Variants in ADSL observed in about 807,000 individuals in gnomAD.
The protein encoded by ADSL is adenylosuccinate lyase, also known as adenylosuccinase.
ADSL carries 44 observed loss-of-function variants against 62.1 expected under a neutral mutation model. The ratio of observed to expected loss-of-function variants is 0.71; its 90% confidence interval spans 0.56 to 0.91. The LOEUF (loss-of-function observed/expected upper bound fraction) is 0.91, where lower values mean the gene tolerates loss of function less well. Among genes scored for constraint, ADSL ranks in the 40% least tolerant of loss-of-function variants. The pLI is 0.00. For synonymous variants in ADSL, 198 were observed against 220.5 expected (o/e 0.90, Z 0.90); for missense variants, 531 against 627.4 (o/e 0.85, Z 1.64).
chr22:40,360,544 C>A, intron 7 of ADSL, 52 bp downstream of exon 7: 1 of 1,278,670 alleles, frequency 7.8e-7, no homozygotes, highest in Non-Finnish European at 1.1e-6. Flanking sequence ...GCACCACAGA[C>A]AGACTGAATT....
In ADSL at chr22:40,349,951, C is replaced by T. The variant is rs148303726; in HGVS notation, c.273C>T (p.His91=). ...EKRLRHDVMA[H]VHTFGHCCPK... ...GTTTACGACATGATGTGATGGCTCA[C>T]GTGCACACATTTGGCCACTGCTGTC... The change falls in exon 2 of 13, where the codon CAC becomes CAT. Residue 91 remains histidine (H), a synonymous_variant. Coordinates refer to ENST00000623063, the MANE Select transcript of ADSL (RefSeq NM_000026.4). 21 of 1,614,002 alleles carry T rather than the reference C, an allele frequency of 1.3e-5. No homozygotes were observed. Among genetic ancestry groups the T allele is most frequent in the Non-Finnish European group, 1.7e-5 (20 of 1,180,026 alleles).
intron 1 of ADSL, among the ~76,000 whole-genome samples, chr22:40,349,158 T>G (rs1227168876): frequency 1.3e-5 from 2 of 152,090 alleles, no homozygotes; most frequent in African/African-American, 4.8e-5. Flanking sequence ...AATGACAGGT[T>G]AATAAATATG....
chr22:40,346,834 T>A, intron 1 of ADSL, 123 bp downstream of exon 1: 1 of 1,078,706 alleles, frequency 9.3e-7, no homozygotes, highest in Non-Finnish European at 1.3e-6. Flanking sequence ...TTCAGCTGGG[T>A]GTTCCCTGTC....
At chr22:40,384,381 C>T (rs745490668) in intron 2 of ADSL, among the ~76,000 whole-genome samples, 7 of 152,250 alleles carry the variant, frequency 4.6e-5, no homozygotes, top group Non-Finnish European at 1.0e-4. Flanking sequence ...TCAGGAAACA[C>T]AGATTTTAAG....
At chr22:40,366,099 AGAG>A (rs1445772595) in intron 12 of ADSL, among the ~76,000 whole-genome samples, 3 of 151,810 alleles carry the variant, frequency 2.0e-5, no homozygotes, top group Admixed American at 6.6e-5. Context: ...CCGGGGAGGG[AGAG>A]GAGGTTAAGC....
rs11089990 is a variant in ADSL, at chr22:40,352,539, A to G, written c.358-534A>G. On this transcript the variant is annotated intron_variant, in intron 2 of 12. Coordinates refer to ENST00000623063, the MANE Select transcript of ADSL (RefSeq NM_000026.4). ...CGAGACTCCCATCTTAAAAAGAAAA[A>G]AAAAGAAAACGGGAGGAAAGTAATG... 2.3e-3 allele frequency among the ~76,000 whole-genome samples: 350 copies of G among 152,280 alleles called. 1 individual carries two copies. Among genetic ancestry groups the G allele is most frequent in the African/African-American group, 8.1e-3 (336 of 41,560 alleles).
chr22:40,358,878 C>T lies in ADSL; in HGVS notation c.497C>T (p.Thr166Ile). The stretch of plus-strand genomic sequence containing the variant: ...TGGGTTTTCAGGCCTGCACAGCTGA[C>T]CACAGTTGGGAAACGTTGCTGTCTT... ...GFTHFQPAQLTTVGKRCCLWI... is the reference protein window; with the variant it reads ...GFTHFQPAQLITVGKRCCLWI... Residue 166 changes from threonine (T) to isoleucine (I), a missense_variant, in exon 5 of 13, where the codon ACC becomes ATC. Coordinates refer to ENST00000623063, the MANE Select transcript of ADSL (RefSeq NM_000026.4). 2 of 1,614,124 alleles carry T rather than the reference C, an allele frequency of 1.2e-6. No homozygotes were observed. The highest frequency in any genetic ancestry group is 2.2e-5 in the South Asian group (2 of 91,080).
intron 6 of ADSL, 126 bp from the exon 7 acceptor site, chr22:40,360,276 G>T: frequency 1.4e-6 from 1 of 735,738 alleles, no homozygotes. Flanking sequence ...GCTTAGGCTG[G>T]CCTTAACCTC....
At chr22:40,366,258 G>A (rs1601601239) in intron 12 of ADSL, among the ~76,000 whole-genome samples, 178 bp from the exon 13 acceptor site, 1 of 152,226 alleles carries the variant, frequency 6.6e-6, no homozygotes, top group South Asian at 2.1e-4. Flanking sequence ...GGGCATGGTG[G>A]TTGAATCATC....
chr22:40,363,101 C>A (rs748903899), intron 10 of ADSL, 30 bp downstream of exon 10: 1 of 1,596,916 alleles, frequency 6.3e-7, no homozygotes, highest in South Asian at 1.1e-5. Context: ...AAGTAAAGTA[C>A]TAGGGAGGGG....
chr22:40,361,160 G>C, intron 7 of ADSL, 113 bp from the exon 8 acceptor site: 4 of 1,011,196 alleles, frequency 4.0e-6, no homozygotes, highest in South Asian at 2.5e-5. Flanking sequence ...CTGGTCTTCA[G>C]CTCAGCCACA....
downstream of ADSL, chr22:40,373,071 G>C (rs1296248998): frequency 6.6e-6 from 1 of 152,184 alleles, no homozygotes; most frequent in Admixed American, 6.5e-5. Context: ...AGATATGTGG[G>C]AGGGGTTAGA....
At chr22:40,380,367 T>A (rs1289911837) in intron 2 of ADSL, among the ~76,000 whole-genome samples, 4 of 150,690 alleles carry the variant, frequency 2.7e-5, no homozygotes, top group African/African-American at 7.3e-5. Context: ...ATCTATAATT[T>A]TTTTTTTTTT....
chr22:40,380,478 C>T (rs1367628826), intron 2 of ADSL, among the ~76,000 whole-genome samples: 5 of 151,760 alleles, frequency 3.3e-5, no homozygotes, highest in African/African-American at 9.7e-5. Context: ...GCAATTCTCC[C>T]ACCTCAGCAT....
At chr22:40,386,533 G>GTCTT (rs2048472109) in intron 2 of ADSL, among the ~76,000 whole-genome samples, 2 of 122,210 alleles carry the variant, frequency 1.6e-5, no homozygotes, top group Admixed American at 1.8e-4. Context: ...CTTTAAATCA[G>GTCTT]TCTTTTGACC....
intron 4 of ADSL, among the ~76,000 whole-genome samples, chr22:40,357,437 G>T (rs147641203): frequency 6.6e-6 from 1 of 151,496 alleles, no homozygotes; most frequent in Non-Finnish European, 1.5e-5. Context: ...ATTTTTAGTA[G>T]AGACGGGGTT....
chr22:40,387,448 T>C, intron 2 of ADSL: 1 of 366,362 alleles, frequency 2.7e-6, no homozygotes, highest in Non-Finnish European at 4.8e-6. Context: ...ATATGAAAAA[T>C]AGCAACTGTG....
rs1051533122 is a variant in ADSL, at chr22:40,350,460, C to T, written c.357+425C>T. On this transcript the variant is annotated intron_variant, in intron 2 of 12. Coordinates refer to ENST00000623063, the MANE Select transcript of ADSL (RefSeq NM_000026.4). Reference sequence around the variant, plus strand: ...TTTTTAAAGGTATCTTGGTTGAAAACGCTGAGGAATTTTTTCAGCTTTTAG... The same window carrying T: ...TTTTTAAAGGTATCTTGGTTGAAAATGCTGAGGAATTTTTTCAGCTTTTAG... The T allele has an allele frequency of 3.8e-5, 7 of 182,346 alleles. No individual in the cohort carries two copies. The East Asian group carries it at 9.2e-4, about 24-fold the overall frequency. The allele number at this position is 182,346 out of a possible 1,614,324, so 11.3% of individuals were successfully genotyped here.
intron 11 of ADSL, 34 bp from the exon 12 acceptor site, chr22:40,364,846 G>T (rs1176419812): frequency 6.2e-7 from 1 of 1,610,968 alleles, no homozygotes; most frequent in Admixed American, 1.7e-5. Flanking sequence ...CGCCCTGTTA[G>T]TAGGGAACTG....
Sources: gnomAD v4.1 joint callset for allele counts (sites outside exome capture counted in the v4.1 genomes callset) on GRCh38, gnomAD v4.1.1 for gene constraint, MANE v1.5 for transcripts, NCBI Gene and HGNC (gene_info 2026-07-23, HGNC 2026-07-21) for gene names.